The following VWF variants were observed in gnomAD, a reference collection of about 807,000 sequenced individuals.
VWF encodes the protein von Willebrand factor, also known as Factor VIII related antigen.
VWF carries 176 observed loss-of-function variants against 308.6 expected under a neutral mutation model. The ratio of observed to expected loss-of-function variants is 0.57; its 90% CI spans 0.50 to 0.65. VWF has a LOEUF of 0.65. VWF is among the 30% of genes least tolerant of loss of function. The pLI is 0.00. For synonymous variants in VWF, 1,385 were observed against 1,443.4 expected (o/e 0.96, Z 0.92); for missense variants, 3,146 against 3,648.2 (o/e 0.86, Z 3.55).
rs75145724 is a variant in VWF at position 6,121,115 on chromosome 12, C to T, written c.220+59G>A. 394 of 1,602,816 alleles carry T rather than the reference C, an allele frequency of 2.5e-4. 1 individual carries two copies. The East Asian group carries it at 8.1e-3, about 33-fold the overall frequency. On this transcript the variant is annotated intron_variant, in intron 3 of 51. Transcript: ENST00000261405. ...TGAGAGCAGGAATCCTCCCCCACAC[C>T]AGGGCTAAGCTCAGCCAGCCCTCCC...
chr12:6,000,461 T>C (rs1449619493), intron 34 of VWF, among the ~76,000 whole-genome samples: 1 of 151,986 alleles, frequency 6.6e-6, no homozygotes, highest in Non-Finnish European at 1.5e-5. Flanking sequence ...AGAAAAACAG[T>C]TTTAAATACA....
At position 6,052,525 on chromosome 12, in the gene VWF, A is replaced by G. The variant is rs368093621; in HGVS notation, c.2186+18T>C. ...CTCTGCTGTTTTAGAGGTCCCTGACACTGCTGCCTGCACTTACCACATGGT... is the reference window on the plus strand; with the variant it reads ...CTCTGCTGTTTTAGAGGTCCCTGACGCTGCTGCCTGCACTTACCACATGGT... On this transcript the variant is annotated intron_variant, in intron 16 of 51. Transcript: ENST00000261405. 7.4e-6 allele frequency: 12 copies of G among 1,614,082 alleles called. No homozygotes were observed. Among genetic ancestry groups the G allele is most frequent in the Admixed American group, 1.7e-5 (1 of 60,010 alleles).
rs1277727494 is a variant in VWF, at chr12:6,024,699, G to A, written c.3222+881C>T. Among the ~76,000 whole-genome samples, 1 of 152,214 alleles carries A rather than the reference G, an allele frequency of 6.6e-6. No individual in the cohort carries two copies. The highest frequency in any genetic ancestry group is 2.4e-5 in the African/African-American group (1 of 41,450). Reference sequence around the variant, plus strand: ...CATGTACAAGCCCATGTCCACATGTGTGTACACACATACATGCAGCAGATA... The same window carrying A: ...CATGTACAAGCCCATGTCCACATGTATGTACACACATACATGCAGCAGATA... On this transcript the variant is annotated intron_variant, in intron 24 of 51. Coordinates refer to ENST00000261405, the MANE Select transcript of VWF (RefSeq NM_000552.5). The surrounding 1 kb of genome is among the most constrained non-coding windows in gnomAD (Gnocchi z 4.0).
Position 6,019,810 on chromosome 12 carries a change from G to A in VWF, c.3675-67C>T. 2.6e-6 allele frequency: 4 copies of A among 1,519,340 alleles called. No homozygotes were observed. Among genetic ancestry groups the A allele is most frequent in the Non-Finnish European group, 3.6e-6 (4 of 1,123,834 alleles). 94.1% of individuals were successfully genotyped at this position (1,519,340 alleles called of 1,614,324 possible). A position where few individuals can be genotyped will look rare whatever the true frequency, so the allele number is the denominator to read the frequency against. ...CCTGTGGACACTTCTGAGCCCTACA[G>A]TGTACAATGACTTCCATATTCCCAC... On this transcript the variant is annotated intron_variant, in intron 27 of 51. Coordinates refer to ENST00000261405, the MANE Select transcript of VWF (RefSeq NM_000552.5). This position sits in a 1 kb window ranked among gnomAD's most constrained non-coding sequence, Gnocchi z 5.8.
chr12:6,123,126 G>A lies in VWF; in HGVS notation c.55+16C>T, dbSNP rs201807815. 3 of 1,614,136 alleles carry A rather than the reference G, an allele frequency of 1.9e-6. No homozygotes were observed. The highest frequency in any genetic ancestry group is 2.5e-6 in the Non-Finnish European group (3 of 1,180,012). ...CCTGGGGCAGGAATGAGAAATGGAG[G>A]CCCTTTTGTACCTACCTGGCAAAAT... On this transcript the variant is annotated intron_variant, in intron 2 of 51. Transcript: ENST00000261405.
intron 37 of VWF, among the ~76,000 whole-genome samples, chr12:5,992,753 AC>A (rs1943759978): frequency 1.3e-5 from 2 of 152,218 alleles, no homozygotes; most frequent in Non-Finnish European, 2.9e-5. Flanking sequence ...TCCTCAAGGC[AC>A]CAAGGCAGGC....
Position 6,016,071 on chromosome 12 carries a change from T to C in VWF, c.5455+18A>G. ...AGTCTCGCTCTCCTGAATTGAGGAC[T>C]GTACACCAGATTCTTACTGTTGGAC... On this transcript the variant is annotated intron_variant, in intron 31 of 51. Transcript: ENST00000261405. 2 of 1,614,020 alleles carry C rather than the reference T, an allele frequency of 1.2e-6. No homozygotes were observed. The highest frequency in any genetic ancestry group is 1.7e-6 in the Non-Finnish European group (2 of 1,179,880).
intron 47 of VWF, among the ~76,000 whole-genome samples, chr12:5,964,300 A>ATACATGCATACATACATACAT (rs1267334614): frequency 6.6e-6 from 1 of 151,986 alleles, no homozygotes; most frequent in Non-Finnish European, 1.5e-5. Flanking sequence ...ACATACATAC[A>ATACATGCATACATACATACAT]AAAAGCTACC....
chr12:6,119,513 A>G (rs149973990), intron 3 of VWF, among the ~76,000 whole-genome samples: 1 of 152,122 alleles, frequency 6.6e-6, no homozygotes, highest in East Asian at 1.9e-4. Flanking sequence ...TCTCTGGCCA[A>G]TCAAAGCTCC....
intron 1 of VWF, 124 bp from the exon 2 acceptor site, chr12:6,123,320 C>A: frequency 1.7e-6 from 2 of 1,161,832 alleles, no homozygotes; most frequent in South Asian, 1.3e-5. Flanking sequence ...GATTGATCCT[C>A]GTGACCCCCT....
intron 5 of VWF, among the ~76,000 whole-genome samples, chr12:6,100,377 C>T (rs1285421262): frequency 1.3e-5 from 2 of 148,722 alleles, no homozygotes; most frequent in East Asian, 3.9e-4. Context: ...TTTGACCCAG[C>T]CATCCCATTA....
intron 40 of VWF, among the ~76,000 whole-genome samples, chr12:5,984,580 A>G (rs1943656790): frequency 6.6e-6 from 1 of 152,254 alleles, no homozygotes; most frequent in African/African-American, 2.4e-5. Context: ...CCGTAATTCC[A>G]TCAGCTCTGA....
chr12:6,120,599 G>A (rs1271902828), intron 3 of VWF, among the ~76,000 whole-genome samples: 4 of 152,058 alleles, frequency 2.6e-5, no homozygotes, highest in East Asian at 1.9e-4. Context: ...CACCGTGCCC[G>A]GCCTCAGCTC....
intron 6 of VWF, 21 bp downstream of exon 6, chr12:6,095,439 C>T (rs763501949): frequency 1.9e-6 from 3 of 1,613,980 alleles, no homozygotes; most frequent in Admixed American, 1.7e-5. Context: ...TCCAGGTGCA[C>T]CCAGGCCAGT....
chr12:6,103,225 G>C (rs1413915666), intron 5 of VWF, among the ~76,000 whole-genome samples: 1 of 152,022 alleles, frequency 6.6e-6, no homozygotes, highest in African/African-American at 2.4e-5. Context: ...CTACTAGGGA[G>C]GCTGAGGCAG....
chr12:6,048,512 G>C (rs1210064230), intron 16 of VWF, among the ~76,000 whole-genome samples: 2 of 150,420 alleles, frequency 1.3e-5, no homozygotes, highest in African/African-American at 4.9e-5. Context: ...GCCCAGGCTG[G>C]AGTGCAGCGG....
chr12:6,017,662 G>T (rs10459136), intron 28 of VWF, among the ~76,000 whole-genome samples: 1 of 152,262 alleles, frequency 6.6e-6, no homozygotes, highest in East Asian at 1.9e-4. Context: ...ACTATTTTAA[G>T]CAAGTAGGTG....
At chr12:5,969,060 T>G in intron 45 of VWF, 151 bp downstream of exon 45, 1 of 856,684 alleles carries the variant, frequency 1.2e-6, no homozygotes, top group African/African-American at 1.7e-5. Flanking sequence ...TAATTTGCTT[T>G]CTCATAAAAG....
rs959767538 is a variant in VWF, at chr12:6,058,126, A to T, written c.1534-82T>A. 7.5e-5 allele frequency: 40 copies of T among 531,066 alleles called. No individual in the cohort carries two copies. Among genetic ancestry groups the T allele is most frequent in the Non-Finnish European group, 9.8e-5 (37 of 375,822 alleles). 32.9% of individuals were successfully genotyped at this position (531,066 alleles called of 1,614,324 possible). A position where few individuals can be genotyped will look rare whatever the true frequency, so the allele number is the denominator to read the frequency against. On this transcript the variant is annotated intron_variant, in intron 13 of 51. Coordinates refer to ENST00000261405, the MANE Select transcript of VWF (RefSeq NM_000552.5). The surrounding 1 kb of genome is among the most constrained non-coding windows in gnomAD (Gnocchi z 4.9). Reference sequence around the variant, plus strand: ...GTTTAGCTAATGAGATGGTTTTAATAAAAAAAAAAAAGTTCCCCGGGTGAA... The same window carrying T: ...GTTTAGCTAATGAGATGGTTTTAATTAAAAAAAAAAAGTTCCCCGGGTGAA...
Sources: allele counts gnomAD v4.1 joint callset (sites outside exome capture counted in the v4.1 genomes callset), GRCh38; gene constraint gnomAD v4.1.1; non-coding constraint Gnocchi (gnomAD v3.1); transcripts MANE v1.5; gene names NCBI Gene and HGNC (gene_info 2026-07-23, HGNC 2026-07-21).